The following TTC28 variants were observed in gnomAD, a reference collection of about 807,000 sequenced individuals.
TTC28 encodes the protein tetratricopeptide repeat protein 28.
In TTC28, 61 loss-of-function variants were observed where a neutral mutation model predicts 198.0. The observed-to-expected ratio is 0.31, with a 90% CI of 0.25 to 0.38. The LOEUF (loss-of-function observed/expected upper bound fraction) is 0.38, where lower values mean the gene tolerates loss of function less well. Among genes scored for constraint, TTC28 ranks in the 10% least tolerant of loss-of-function variants. The pLI is 1.00. For missense variants in TTC28, 2,678 were observed against 3,164.0 expected (o/e 0.85, Z 3.69); for synonymous variants, 1,171 against 1,297.8 (o/e 0.90, Z 2.10).
intron 2 of TTC28, among the ~76,000 whole-genome samples, chr22:28,461,751 A>G (rs1432970682): frequency 1.3e-5 from 2 of 152,048 alleles, no homozygotes; most frequent in African/African-American, 2.4e-5. Context: ...TTGTTCCTCC[A>G]TGATCTGGCC....
At chr22:28,200,544 T>G (rs958350626) in intron 5 of TTC28, among the ~76,000 whole-genome samples, 11 of 151,886 alleles carry the variant, frequency 7.2e-5, no homozygotes, top group African/African-American at 2.4e-4. Context: ...ATAAGACAGC[T>G]GGAAATCCTA....
chr22:28,071,009 T>A (rs923289797), intron 12 of TTC28, among the ~76,000 whole-genome samples: 8 of 152,200 alleles, frequency 5.3e-5, no homozygotes, highest in Admixed American at 2.6e-4. Flanking sequence ...AAAGCCTCTA[T>A]GAGTAACACA....
At chr22:28,105,836 A>G in intron 7 of TTC28, 34 bp from the exon 8 acceptor site, 8 of 1,517,162 alleles carry the variant, frequency 5.3e-6, no homozygotes, top group Non-Finnish European at 7.1e-6. Context: ...CAATGATATT[A>G]TTTCATGCAG....
chr22:28,078,270 T>A (rs2146797958), intron 12 of TTC28, among the ~76,000 whole-genome samples: 1 of 152,252 alleles, frequency 6.6e-6, no homozygotes, highest in South Asian at 2.1e-4. Flanking sequence ...GGTAATTGAA[T>A]AAAGGTGTCT....
intron 2 of TTC28, among the ~76,000 whole-genome samples, chr22:28,473,818 G>C (rs966904404): frequency 5.9e-5 from 9 of 152,164 alleles, no homozygotes; most frequent in African/African-American, 2.2e-4. Flanking sequence ...TTTATAAGAA[G>C]AAGAGATTAG....
chr22:28,496,973 C>T (rs1278726566), intron 2 of TTC28, among the ~76,000 whole-genome samples: 1 of 152,110 alleles, frequency 6.6e-6, no homozygotes, highest in Non-Finnish European at 1.5e-5. Context: ...ACTTTTACCC[C>T]CAGATATCTG....
At chr22:28,392,646 A>G (rs2046748555) in intron 2 of TTC28, among the ~76,000 whole-genome samples, 1 of 152,130 alleles carries the variant, frequency 6.6e-6, no homozygotes, top group Non-Finnish European at 1.5e-5. Context: ...TAGGAAAGGG[A>G]ACTCCCTGAC....
chr22:28,402,598 T>C (rs1443374330), intron 2 of TTC28, among the ~76,000 whole-genome samples: 1 of 152,220 alleles, frequency 6.6e-6, no homozygotes, highest in Non-Finnish European at 1.5e-5. Context: ...AGTATCCAAG[T>C]ATAGAACTGA....
At chr22:28,255,446 G>C (rs1953080507) in intron 5 of TTC28, among the ~76,000 whole-genome samples, 1 of 152,078 alleles carries the variant, frequency 6.6e-6, no homozygotes, top group South Asian at 2.1e-4. Context: ...ACTTCGGGAG[G>C]CGAGGTGGGT....
chr22:28,574,940 T>TG (rs2050122748), intron 2 of TTC28, among the ~76,000 whole-genome samples: 1 of 152,214 alleles, frequency 6.6e-6, no homozygotes, highest in Non-Finnish European at 1.5e-5. Context: ...CCTTGTCAGA[T>TG]GGATAGTTTG....
In TTC28 at chr22:28,487,276, C is replaced by A. The variant is rs908178729; in HGVS notation, c.381+142276G>T. ...AATAAATTATCTTTGTTTTTAAAAA[C>A]TGGATATTATAAAAATATCATAAAG... On this transcript the variant is annotated intron_variant, in intron 2 of 22. Transcript: ENST00000397906. Among the ~76,000 whole-genome samples the A allele has an allele frequency of 5.3e-5, 8 of 151,802 alleles. No individual in the cohort carries two copies. In the South Asian group the frequency reaches 8.3e-4, roughly 16 times the overall value.
intron 1 of TTC28, among the ~76,000 whole-genome samples, chr22:28,662,005 A>G (rs1484704978): frequency 6.6e-6 from 1 of 151,550 alleles, no homozygotes; most frequent in Non-Finnish European, 1.5e-5. Flanking sequence ...CCTCCCAAAT[A>G]GCTGAAATAC....
At chr22:28,651,675 G>A (rs2146262806) in intron 1 of TTC28, among the ~76,000 whole-genome samples, 1 of 152,046 alleles carries the variant, frequency 6.6e-6, no homozygotes, top group Non-Finnish European at 1.5e-5. Flanking sequence ...GCCTCCCAAA[G>A]TGCTGGGATT....
intron 5 of TTC28, among the ~76,000 whole-genome samples, chr22:28,284,091 G>T (rs2044635139): frequency 6.6e-6 from 1 of 152,118 alleles, no homozygotes. Context: ...TGACTGGCCT[G>T]GAATACCATA....
At position 28,119,733 on chromosome 22, in the gene TTC28, T is replaced by C. The variant is rs187052961; in HGVS notation, c.1442-11330A>G. 2.4e-4 allele frequency among the ~76,000 whole-genome samples: 36 copies of C among 152,306 alleles called. 1 individual carries two copies. Among genetic ancestry groups the C allele is most frequent in the Non-Finnish European group, 3.8e-4 (26 of 68,012 alleles). ...CACCCAAAACGACAATAGCACCACA[T>C]TGAGTAACACTGGATGCTCTGAGGT... On this transcript the variant is annotated intron_variant, in intron 6 of 22. Transcript: ENST00000397906.
At chr22:28,214,288 A>G (rs1229330606) in intron 5 of TTC28, among the ~76,000 whole-genome samples, 1 of 152,228 alleles carries the variant, frequency 6.6e-6, no homozygotes, top group East Asian at 1.9e-4. Context: ...AATGGGATCT[A>G]ATTAAACCAA....
intron 14 of TTC28, among the ~76,000 whole-genome samples, chr22:28,011,377 C>A (rs1938156327): frequency 6.6e-6 from 1 of 152,180 alleles, no homozygotes; most frequent in Non-Finnish European, 1.5e-5. Context: ...AGATGGATTG[C>A]CTGAGCCCAG....
At chr22:28,272,216 T>C (rs1468545945) in intron 5 of TTC28, among the ~76,000 whole-genome samples, 1 of 152,244 alleles carries the variant, frequency 6.6e-6, no homozygotes, top group East Asian at 1.9e-4. Context: ...AATTTGATAA[T>C]GTTAGCACAA....
At chr22:28,466,265 G>A (rs980502494) in intron 2 of TTC28, among the ~76,000 whole-genome samples, 3 of 152,182 alleles carry the variant, frequency 2.0e-5, no homozygotes, top group African/African-American at 7.2e-5. Context: ...ATCCACTAGA[G>A]AAATGCCAGA....
Sources: gnomAD v4.1 joint callset for allele counts (sites outside exome capture counted in the v4.1 genomes callset) on GRCh38, gnomAD v4.1.1 for gene constraint, MANE v1.5 for transcripts, NCBI Gene and HGNC (gene_info 2026-07-23, HGNC 2026-07-21) for gene names.